Variants in ARID1B observed in about 807,000 individuals in gnomAD.
The protein encoded by ARID1B is AT-rich interactive domain-containing protein 1B.
Under a neutral mutation model 212.3 loss-of-function variants are expected in ARID1B, and 30 were observed. The observed-to-expected ratio is 0.14, with a 90% CI of 0.11 to 0.19. The LOEUF (loss-of-function observed/expected upper bound fraction) is 0.19, where lower values mean the gene tolerates loss of function less well. ARID1B is among the 10% of genes least tolerant of loss of function. The probability of loss-of-function intolerance (pLI) is 1.00; values close to 1 mark genes in which losing one functional copy is unlikely to be tolerated. For synonymous variants in ARID1B, 1,402 were observed against 1,301.7 expected (o/e 1.08, Z -1.66); for missense variants, 2,891 against 3,204.0 (o/e 0.90, Z 2.36).
chr6:157,079,936 ATAAT>A (rs1184866289), intron 4 of ARID1B, among the ~76,000 whole-genome samples: 1 of 152,218 alleles, frequency 6.6e-6, no homozygotes, highest in African/African-American at 2.4e-5. Context: ...GCTTTTTAAG[ATAAT>A]TAAGAGACTT....
rs746262843 is a variant in ARID1B at position 157,073,450 on chromosome 6, A to G, written c.2248-11212A>G. On this transcript the variant is annotated intron_variant, in intron 4 of 19. Coordinates refer to ENST00000636930, the MANE Select transcript of ARID1B (RefSeq NM_001374828.1). ...TGAGATATTTTTCTACAAGTCATTTACACATTCTTTACTCAAAATGTATTT... is the reference window on the plus strand; with the variant it reads ...TGAGATATTTTTCTACAAGTCATTTGCACATTCTTTACTCAAAATGTATTT... Among the ~76,000 whole-genome samples the G allele has an allele frequency of 3.3e-5, 5 of 152,192 alleles. No individual in the cohort carries two copies. The East Asian group carries it at 5.8e-4, about 18-fold the overall frequency.
intron 1 of ARID1B, among the ~76,000 whole-genome samples, chr6:156,819,398 ACT>A (rs1782197992): frequency 6.6e-6 from 1 of 152,190 alleles, no homozygotes; most frequent in Admixed American, 6.5e-5. Context: ...GATCTAACTT[ACT>A]CTCAAAATAA....
intron 4 of ARID1B, among the ~76,000 whole-genome samples, chr6:157,039,848 TTCTC>T (rs143678192): frequency 1.2e-4 from 15 of 125,820 alleles, no homozygotes; most frequent in South Asian, 7.7e-4. Context: ...TTCTCTCTCT[TTCTC>T]TCTCTTTCTC....
intron 7 of ARID1B, among the ~76,000 whole-genome samples, chr6:157,143,818 T>G (rs1789539475): frequency 6.6e-6 from 1 of 152,270 alleles, no homozygotes; most frequent in Admixed American, 6.5e-5. Context: ...AAGGGGACTT[T>G]GTATTTCTTC....
At chr6:156,996,650 T>A (rs1346900656) in intron 4 of ARID1B, among the ~76,000 whole-genome samples, 1 of 152,246 alleles carries the variant, frequency 6.6e-6, no homozygotes, top group Admixed American at 6.5e-5. Context: ...AATACTACTC[T>A]TGTGCTGCAT....
chr6:156,924,015 G>T (rs1453758020), intron 3 of ARID1B, among the ~76,000 whole-genome samples: 3 of 152,206 alleles, frequency 2.0e-5, no homozygotes, highest in African/African-American at 7.2e-5. Context: ...TCTTAAATAT[G>T]CTTTTAAAAA....
chr6:156,786,297 T>C (rs984852024), intron 1 of ARID1B, among the ~76,000 whole-genome samples: 2 of 152,198 alleles, frequency 1.3e-5, no homozygotes, highest in Admixed American at 1.3e-4. Flanking sequence ...TTCCATAGTG[T>C]TCTCTGCCAC....
intron 3 of ARID1B, among the ~76,000 whole-genome samples, chr6:156,909,103 TTTTTTTC>T (rs1413163227): frequency 4.0e-5 from 6 of 150,706 alleles, no homozygotes; most frequent in Admixed American, 6.6e-5. Context: ...GGCACTTCTT[TTTTTTTC>T]TTTTTTCTTT....
intron 4 of ARID1B, chr6:157,024,087 T>C (rs907564934): frequency 2.2e-4 from 34 of 152,288 alleles, no homozygotes; most frequent in African/African-American, 8.2e-4. Context: ...GTTACTTAAC[T>C]TGAAGGCCTC....
At chr6:156,873,192 A>G (rs748836212) in intron 2 of ARID1B, among the ~76,000 whole-genome samples, 1 of 152,220 alleles carries the variant, frequency 6.6e-6, no homozygotes, top group Non-Finnish European at 1.5e-5. Flanking sequence ...TACGGGTTGA[A>G]GAAAAGGGGA....
At chr6:156,894,615 A>G (rs1363639097) in intron 2 of ARID1B, among the ~76,000 whole-genome samples, 3 of 152,204 alleles carry the variant, frequency 2.0e-5, no homozygotes, top group African/African-American at 7.2e-5. Flanking sequence ...TACGTCTCTG[A>G]TAAGTTTAGG....
Position 157,094,436 on chromosome 6 carries a change from C to T in ARID1B, c.2491+9531C>T, listed in dbSNP as rs545489656. Among the ~76,000 whole-genome samples the T allele has an allele frequency of 3.3e-4, 50 of 152,242 alleles. No individual in the cohort carries two copies. The highest frequency in any genetic ancestry group is 5.4e-4 in the Non-Finnish European group (37 of 68,016). On this transcript the variant is annotated intron_variant, in intron 5 of 19. Coordinates refer to ENST00000636930, the MANE Select transcript of ARID1B (RefSeq NM_001374828.1). This position sits in a 1 kb window ranked among gnomAD's most constrained non-coding sequence, Gnocchi z 4.3. ...GTGGCACGATCTCCACTCACTACAA[C>T]CTCTACCTCCCAGGTTCAAGCAATT...
intron 6 of ARID1B, among the ~76,000 whole-genome samples, chr6:157,131,064 C>A (rs1449074497): frequency 6.6e-6 from 1 of 152,182 alleles, no homozygotes; most frequent in African/African-American, 2.4e-5. Context: ...AGGTACCTGG[C>A]CTTCCAGTGA....
intron 5 of ARID1B, 50 bp downstream of exon 5, chr6:157,084,955 T>C (rs1338563882): frequency 1.3e-6 from 2 of 1,549,802 alleles, no homozygotes; most frequent in Non-Finnish European, 1.7e-6. Flanking sequence ...AAAGAGAGAT[T>C]TCATGTTCAT....
intron 3 of ARID1B, among the ~76,000 whole-genome samples, chr6:156,906,196 T>C (rs974910771): frequency 1.3e-5 from 2 of 151,954 alleles, no homozygotes; most frequent in African/African-American, 2.4e-5. Flanking sequence ...GGGGTACTTT[T>C]GTGATTAGGT....
chr6:157,068,555 C>T (rs1038348523), intron 4 of ARID1B, among the ~76,000 whole-genome samples: 5 of 152,196 alleles, frequency 3.3e-5, no homozygotes, highest in Non-Finnish European at 7.3e-5. Flanking sequence ...TTTAAGTCAC[C>T]AAAGGATCTA....
At chr6:157,076,694 T>G (rs1334482377) in intron 4 of ARID1B, among the ~76,000 whole-genome samples, 7 of 152,106 alleles carry the variant, frequency 4.6e-5, no homozygotes, top group African/African-American at 1.7e-4. Context: ...TATTGTAAAC[T>G]TTCAGTTATA....
intron 4 of ARID1B, among the ~76,000 whole-genome samples, chr6:156,957,380 G>A (rs1315216005): frequency 6.6e-6 from 1 of 152,188 alleles, no homozygotes; most frequent in African/African-American, 2.4e-5. Flanking sequence ...ACCAGTACCA[G>A]GGTCAGCTTC....
At chr6:157,081,412 G>C (rs148325107) in intron 4 of ARID1B, among the ~76,000 whole-genome samples, 2 of 152,294 alleles carry the variant, frequency 1.3e-5, no homozygotes, top group African/African-American at 4.8e-5. Flanking sequence ...TTTTAAGATA[G>C]CTCTACATAC....
Sources: gnomAD v4.1 joint callset for allele counts (sites outside exome capture counted in the v4.1 genomes callset) on GRCh38, gnomAD v4.1.1 for gene constraint, Gnocchi (gnomAD v3.1) non-coding constraint, MANE v1.5 for transcripts, NCBI Gene and HGNC (gene_info 2026-07-23, HGNC 2026-07-21) for gene names.